The following MKLN1 variants were observed in gnomAD, a reference collection of about 807,000 sequenced individuals.
The protein encoded by MKLN1 is muskelin.
A neutral mutation model predicts 99.0 loss-of-function variants in MKLN1; 18 were observed. The ratio of observed to expected loss-of-function variants is 0.18; its 90% CI spans 0.13 to 0.27. MKLN1 has a LOEUF of 0.27. Among genes scored for constraint, MKLN1 ranks in the 10% least tolerant of loss-of-function variants. MKLN1 has a pLI of 1.00. For missense variants in MKLN1, 621 were observed against 875.9 expected, an observed-to-expected ratio of 0.71 and a Z score of 3.67; for synonymous variants, 288 against 293.2, an observed-to-expected ratio of 0.98 and a Z score of 0.18.
chr7:131,352,721 CTG>C (rs1799755716), intron 1 of MKLN1, among the ~76,000 whole-genome samples: 1 of 152,098 alleles, frequency 6.6e-6, no homozygotes, highest in African/African-American at 2.4e-5. Context: ...AGTAAAAATG[CTG>C]TGTCCTAAGG....
At chr7:131,149,276 A>G (rs1254883358) in intron 2 of MKLN1, among the ~76,000 whole-genome samples, 3 of 152,066 alleles carry the variant, frequency 2.0e-5, no homozygotes, top group East Asian at 3.9e-4. Flanking sequence ...TGTTGTTCCT[A>G]TTTATTTCTA....
At chr7:131,286,821 A>G (rs17165536) in intron 3 of MKLN1, among the ~76,000 whole-genome samples, 8,125 of 152,318 alleles carry the variant, frequency 0.053, 333 homozygotes, top group African/African-American at 0.1. Context: ...AGGAGCCCCA[A>G]TGGGCCAGGC....
chr7:131,421,896 A>C (rs2116389938), intron 8 of MKLN1, among the ~76,000 whole-genome samples: 1 of 152,280 alleles, frequency 6.6e-6, no homozygotes, highest in African/African-American at 2.4e-5. Flanking sequence ...CTTTTATATA[A>C]TTGGTGCCTT....
chr7:131,326,899 AGACAATAAGC>A (rs1227579712), upstream of MKLN1: 1 of 152,234 alleles, frequency 6.6e-6, no homozygotes, highest in Non-Finnish European at 1.5e-5. Flanking sequence ...CCAACCTCTT[AGACAATAAGC>A]GACATACTCT....
At chr7:131,304,579 G>A (rs2116625983) in intron 3 of MKLN1, among the ~76,000 whole-genome samples, 1 of 152,270 alleles carries the variant, frequency 6.6e-6, no homozygotes, top group East Asian at 1.9e-4. Context: ...TTGCCTATGG[G>A]ATAGCGCATT....
intron 1 of MKLN1, among the ~76,000 whole-genome samples, chr7:131,134,784 T>C (rs1158388191): frequency 9.2e-5 from 14 of 152,214 alleles, no homozygotes; most frequent in Admixed American, 9.2e-4. Context: ...TAATTGGCTT[T>C]GCTGGCTCAG....
At chr7:131,134,614 C>T (rs974821118) in intron 1 of MKLN1, among the ~76,000 whole-genome samples, 1 of 152,198 alleles carries the variant, frequency 6.6e-6, no homozygotes, top group African/African-American at 2.4e-5. Context: ...TGCACTTCAA[C>T]CTCGGCCCGT....
chr7:131,171,052 TA>T (rs1165087038), intron 2 of MKLN1, among the ~76,000 whole-genome samples: 1 of 152,024 alleles, frequency 6.6e-6, no homozygotes, highest in Non-Finnish European at 1.5e-5. Context: ...AAGACACACA[TA>T]AAAAAGTTAA....
intron 2 of MKLN1, among the ~76,000 whole-genome samples, chr7:131,145,227 T>A (rs1483186022): frequency 1.3e-5 from 2 of 152,112 alleles, no homozygotes; most frequent in Admixed American, 1.3e-4. Context: ...TAATAATGAA[T>A]CATATCAAAC....
intron 3 of MKLN1, among the ~76,000 whole-genome samples, chr7:131,387,632 G>A (rs939215096): frequency 6.6e-6 from 1 of 151,900 alleles, no homozygotes. Context: ...AAGATTAATT[G>A]CCCTAATCCA....
At chr7:131,118,563 AAAAG>A (rs1795313476) in intron 1 of MKLN1, among the ~76,000 whole-genome samples, 1 of 151,950 alleles carries the variant, frequency 6.6e-6, no homozygotes, top group Admixed American at 6.6e-5. Flanking sequence ...CAAAAAAAAA[AAAAG>A]AAAGAAAGAA....
chr7:131,385,295 T>C (rs1793977737), intron 2 of MKLN1, among the ~76,000 whole-genome samples: 2 of 152,204 alleles, frequency 1.3e-5, no homozygotes, highest in Non-Finnish European at 2.9e-5. Context: ...TTGGCTATTG[T>C]GAACAGTACC....
chr7:131,149,122 T>C (rs1202063128), intron 2 of MKLN1, among the ~76,000 whole-genome samples: 1 of 152,236 alleles, frequency 6.6e-6, no homozygotes, highest in Non-Finnish European at 1.5e-5. Flanking sequence ...TTTGGCATTT[T>C]GTTTTGCCAT....
intron 1 of MKLN1, among the ~76,000 whole-genome samples, chr7:131,372,002 TG>T (rs1218116055): frequency 2.0e-5 from 3 of 152,012 alleles, no homozygotes; most frequent in Non-Finnish European, 4.4e-5. Context: ...TTTCTATCTT[TG>T]TTTAATTTTA....
intron 2 of MKLN1, among the ~76,000 whole-genome samples, chr7:131,164,686 C>G (rs1192393310): frequency 6.6e-6 from 1 of 152,264 alleles, no homozygotes; most frequent in East Asian, 1.9e-4. Context: ...TGTTTAGTCA[C>G]TCTTCCATAA....
rs75101538 is a variant in MKLN1 at position 131,487,052 on chromosome 7, G to A, written c.2087-555G>A. On this transcript the variant is annotated intron_variant, in intron 17 of 17. Transcript: ENST00000352689. This position sits in a 1 kb window ranked among gnomAD's most constrained non-coding sequence, Gnocchi z 4.7. ...GCATATTGTACATGTATCTCCCTCA[G>A]TCGTCTCTGTTACCACTCAGTTCCC... 0.027 allele frequency among the ~76,000 whole-genome samples: 4,103 copies of A among 152,166 alleles called. 193 individuals carry two copies. Among genetic ancestry groups the A allele is most frequent in the African/African-American group, 0.094 (3,901 of 41,504 alleles).
At position 131,360,715 on chromosome 7, in the gene MKLN1, A is replaced by G. The variant is rs189638131; in HGVS notation, c.99-14709A>G. Among the ~76,000 whole-genome samples the G allele has an allele frequency of 4.6e-5, 7 of 152,216 alleles. No homozygotes were observed. In the East Asian group the frequency reaches 1.4e-3, roughly 29 times the overall value. ...TTTAAGAGTAAAAAATACATGTTTT[A>G]ATTTTATCTTCATTTAATCCTTCTC... On this transcript the variant is annotated intron_variant, in intron 1 of 17. Transcript: ENST00000352689.
intron 3 of MKLN1, among the ~76,000 whole-genome samples, chr7:131,291,582 A>C (rs1227421438): frequency 2.0e-4 from 1 of 4,948 alleles, no homozygotes; most frequent in Non-Finnish European, 9.6e-4. Flanking sequence ...TTCATTTATT[A>C]TATATATATA....
intron 3 of MKLN1, among the ~76,000 whole-genome samples, chr7:131,294,777 T>G (rs1389472446): frequency 6.6e-6 from 1 of 152,200 alleles, no homozygotes; most frequent in East Asian, 1.9e-4. Flanking sequence ...CCCAGATATC[T>G]CTGGTAAACA....
Sources: allele counts gnomAD v4.1 joint callset (sites outside exome capture counted in the v4.1 genomes callset), GRCh38; gene constraint gnomAD v4.1.1; non-coding constraint Gnocchi (gnomAD v3.1); transcripts MANE v1.5; gene names NCBI Gene and HGNC (gene_info 2026-07-23, HGNC 2026-07-21).